The following GPC5 variants were observed in gnomAD, a reference collection of about 807,000 sequenced individuals.
The protein encoded by GPC5 is glypican-5.
Under a neutral mutation model 53.9 loss-of-function variants are expected in GPC5, and 47 were observed. That is an observed-to-expected ratio of 0.87 (90% confidence interval 0.69 to 1.11). The LOEUF is 1.11. Ranked by LOEUF, GPC5 falls within the 50% of genes most tolerant of loss-of-function variation. GPC5 has a pLI of 0.00. For missense variants in GPC5, 748 were observed against 713.1 expected (o/e 1.05, Z -0.56); for synonymous variants, 286 against 263.3 (o/e 1.09, Z -0.84).
At chr13:92,703,406 T>C (rs1372575902) in intron 7 of GPC5, among the ~76,000 whole-genome samples, 1 of 151,538 alleles carries the variant, frequency 6.6e-6, no homozygotes, top group Non-Finnish European at 1.5e-5. Context: ...AAGTACTTTA[T>C]TTAGAAATAG....
Position 92,465,678 on chromosome 13 carries a change from T to C in GPC5, c.1561+320689T>C, listed in dbSNP as rs541620518. On this transcript the variant is annotated intron_variant, in intron 7 of 7. Transcript: ENST00000377067. ...CCTTCAAGCAAAACCATTCTTTGTC[T>C]TTTTTTTTCTGAAAAAGTCATTTTG... Among the ~76,000 whole-genome samples, 5 of 149,866 alleles carry C rather than the reference T, an allele frequency of 3.3e-5. No individual in the cohort carries two copies. The East Asian group carries it at 7.8e-4, about 23-fold the overall frequency.
intron 7 of GPC5, among the ~76,000 whole-genome samples, chr13:92,201,467 C>T (rs1555318739): frequency 6.6e-6 from 1 of 152,060 alleles, no homozygotes; most frequent in East Asian, 1.9e-4. Flanking sequence ...AGCATGAAAA[C>T]AAAAAAATAC....
intron 5 of GPC5, among the ~76,000 whole-genome samples, chr13:91,870,882 C>A (rs1027751045): frequency 9.2e-5 from 14 of 152,284 alleles, no homozygotes; most frequent in Middle Eastern, 3.4e-3. Context: ...TATTCCTTAT[C>A]TGAAATGCTT....
chr13:92,288,708 C>T (rs1353078119), intron 7 of GPC5, among the ~76,000 whole-genome samples: 1 of 152,146 alleles, frequency 6.6e-6, no homozygotes, highest in African/African-American at 2.4e-5. Context: ...CCTACCATGC[C>T]ATCTTCTGTG....
intron 6 of GPC5, among the ~76,000 whole-genome samples, chr13:92,100,941 C>A (rs2041461758): frequency 6.6e-6 from 1 of 152,122 alleles, no homozygotes; most frequent in Admixed American, 6.5e-5. Flanking sequence ...TATCAAAATG[C>A]AAAGTGAATG....
At chr13:91,847,384 T>G (rs2038863517) in intron 5 of GPC5, among the ~76,000 whole-genome samples, 1 of 152,004 alleles carries the variant, frequency 6.6e-6, no homozygotes, top group African/African-American at 2.4e-5. Flanking sequence ...TATGTACACA[T>G]ACACATAGAT....
At chr13:92,142,629 TAGTA>T (rs544699927) in intron 6 of GPC5, among the ~76,000 whole-genome samples, 73 of 152,342 alleles carry the variant, frequency 4.8e-4, no homozygotes, top group Middle Eastern at 3.4e-3. Flanking sequence ...TTTCTTAAAA[TAGTA>T]AGTTTGGTTT....
chr13:92,138,344 G>T lies in GPC5; in HGVS notation c.1402-6486G>T, dbSNP rs765177431. On this transcript the variant is annotated intron_variant, in intron 6 of 7. Coordinates refer to ENST00000377067, the MANE Select transcript of GPC5 (RefSeq NM_004466.6). ...AATCATCCTGGCAAAAAATGGTGAA[G>T]CCCTGTCTCTACTAAAAATACAAAA... Among the ~76,000 whole-genome samples, 10 of 151,782 alleles carry T rather than the reference G, an allele frequency of 6.6e-5. No individual in the cohort carries two copies. The South Asian group carries it at 1.7e-3, about 25-fold the overall frequency.
At chr13:91,876,187 A>T (rs975578435) in intron 5 of GPC5, among the ~76,000 whole-genome samples, 1 of 152,096 alleles carries the variant, frequency 6.6e-6, no homozygotes, top group Non-Finnish European at 1.5e-5. Context: ...TTTACTTCCC[A>T]GTCTTTATCA....
chr13:92,616,913 C>A (rs1341242715), intron 7 of GPC5, among the ~76,000 whole-genome samples: 2 of 151,370 alleles, frequency 1.3e-5, no homozygotes. Context: ...ATAAAATACA[C>A]AAAATATTCA....
intron 6 of GPC5, among the ~76,000 whole-genome samples, chr13:92,142,945 C>A (rs776212633): frequency 6.6e-6 from 1 of 152,038 alleles, no homozygotes; most frequent in Non-Finnish European, 1.5e-5. Flanking sequence ...TTAACTAATT[C>A]TTTCAATTAA....
At chr13:91,823,708 C>T (rs1156966496) in intron 5 of GPC5, among the ~76,000 whole-genome samples, 2 of 151,892 alleles carry the variant, frequency 1.3e-5, no homozygotes, top group African/African-American at 4.8e-5. Context: ...TGCACAAAAC[C>T]AATTTTTGCT....
chr13:92,371,942 A>G (rs1044439874), intron 7 of GPC5, among the ~76,000 whole-genome samples: 1 of 152,200 alleles, frequency 6.6e-6, no homozygotes, highest in African/African-American at 2.4e-5. Context: ...AAGATAAAGG[A>G]AGGAGCTTGG....
intron 6 of GPC5, among the ~76,000 whole-genome samples, chr13:92,061,227 G>A (rs2041120593): frequency 6.6e-6 from 1 of 152,006 alleles, no homozygotes. Flanking sequence ...GTATCTATAG[G>A]TTGCATAATA....
intron 7 of GPC5, among the ~76,000 whole-genome samples, chr13:92,572,816 C>T (rs1318396082): frequency 6.6e-6 from 1 of 152,032 alleles, no homozygotes; most frequent in East Asian, 1.9e-4. Flanking sequence ...ACAGGAAAAA[C>T]TCAACCATTT....
chr13:92,718,245 GTAC>G (rs1371380670), intron 7 of GPC5, among the ~76,000 whole-genome samples: 10 of 151,832 alleles, frequency 6.6e-5, no homozygotes, highest in Admixed American at 5.9e-4. Flanking sequence ...ATGTAGATCT[GTAC>G]TACCATGTTT....
intron 7 of GPC5, among the ~76,000 whole-genome samples, chr13:92,211,835 C>A (rs115691048): frequency 6.6e-6 from 1 of 152,178 alleles, no homozygotes; most frequent in Admixed American, 6.5e-5. Context: ...AGAAAGGTTT[C>A]GTCTGTTCCT....
chr13:91,846,195 C>T (rs2038846948), intron 5 of GPC5, among the ~76,000 whole-genome samples: 1 of 151,960 alleles, frequency 6.6e-6, no homozygotes, highest in Non-Finnish European at 1.5e-5. Context: ...CTGGCATGCC[C>T]ATATGACCTG....
intron 7 of GPC5, among the ~76,000 whole-genome samples, chr13:92,556,574 C>T (rs1264228392): frequency 6.6e-6 from 1 of 151,782 alleles, no homozygotes; most frequent in Non-Finnish European, 1.5e-5. Flanking sequence ...TTAATGCAGA[C>T]ATGAAAACAC....
Sources: gnomAD v4.1 joint callset for allele counts (sites outside exome capture counted in the v4.1 genomes callset) on GRCh38, gnomAD v4.1.1 for gene constraint, MANE v1.5 for transcripts, NCBI Gene and HGNC (gene_info 2026-07-23, HGNC 2026-07-21) for gene names.